The following CD9 variants were observed in gnomAD, a reference collection of about 807,000 sequenced individuals.
CD9 encodes the protein CD9 molecule.
A neutral mutation model predicts 31.4 loss-of-function variants in CD9; 10 were observed. That is an observed-to-expected ratio of 0.32 (90% CI 0.20 to 0.54). The LOEUF is 0.54. Among genes scored for constraint, CD9 ranks in the 20% least tolerant of loss-of-function variants. The pLI is 0.94. For missense variants in CD9, 259 were observed against 300.1 expected (o/e 0.86, Z 1.01); for synonymous variants, 113 against 114.1 (o/e 0.99, Z 0.06).
At chr12:6,208,224 C>CA (rs574714065) in intron 1 of CD9, among the ~76,000 whole-genome samples, 1,245 of 96,292 alleles carry the variant, frequency 0.013, 10 homozygotes, top group African/African-American at 0.032. Flanking sequence ...AACTCCATCT[C>CA]AAAAAAAAAA....
At chr12:6,212,341 A>G (rs546993205) in intron 1 of CD9, among the ~76,000 whole-genome samples, 1 of 152,358 alleles carries the variant, frequency 6.6e-6, no homozygotes, top group East Asian at 1.9e-4. Context: ...CAGAAGGGGC[A>G]GCAGGGCCTT....
At chr12:6,203,033 T>A (rs1365625414) in intron 1 of CD9, among the ~76,000 whole-genome samples, 33 of 152,318 alleles carry the variant, frequency 2.2e-4, no homozygotes. Context: ...TAGGAGATGA[T>A]GTAATGAAAA....
At chr12:6,229,952 A>G (rs1043057381) in intron 2 of CD9, among the ~76,000 whole-genome samples, 1 of 152,194 alleles carries the variant, frequency 6.6e-6, no homozygotes, top group African/African-American at 2.4e-5. Context: ...TCAGACAGCA[A>G]GCTAACATTC....
At chr12:6,220,726 CTT>C (rs1448080623) in intron 1 of CD9, among the ~76,000 whole-genome samples, 1 of 152,180 alleles carries the variant, frequency 6.6e-6, no homozygotes, top group African/African-American at 2.4e-5. Context: ...GTTTTATACA[CTT>C]TGTTTTAGAA....
Position 6,211,895 on chromosome 12 carries a change from A to T in CD9, c.66+11330A>T, listed in dbSNP as rs577749443. On this transcript the variant is annotated intron_variant, in intron 1 of 7. Coordinates refer to ENST00000009180, the MANE Select transcript of CD9 (RefSeq NM_001769.4). ...GGCCTCCCTCCCAATCAGCCCCAACATCCTAACGCCAGTACACTTCACTGA... is the reference window on the plus strand; with the variant it reads ...GGCCTCCCTCCCAATCAGCCCCAACTTCCTAACGCCAGTACACTTCACTGA... Among the ~76,000 whole-genome samples, 16 of 152,288 alleles carry T rather than the reference A, an allele frequency of 1.1e-4. No individual in the cohort carries two copies. The South Asian group carries it at 3.1e-3, about 30-fold the overall frequency.
chr12:6,226,008 C>G (rs1260703567), intron 2 of CD9, among the ~76,000 whole-genome samples: 1 of 152,202 alleles, frequency 6.6e-6, no homozygotes, highest in Non-Finnish European at 1.5e-5. Context: ...CTGGAAAACA[C>G]AGCAACAATA....
intron 1 of CD9, among the ~76,000 whole-genome samples, chr12:6,214,574 CCT>C (rs1480562761): frequency 6.6e-6 from 1 of 152,126 alleles, no homozygotes; most frequent in East Asian, 1.9e-4. Context: ...GTCTCCAACT[CCT>C]GAGCTCAAGC....
chr12:6,225,771 G>C, intron 2 of CD9: 1 of 543,152 alleles, frequency 1.8e-6, no homozygotes, highest in South Asian at 2.2e-5. Flanking sequence ...CATGTTGATG[G>C]TTCTCTGATG....
At chr12:6,204,011 T>TC (rs1448202829) in intron 1 of CD9, among the ~76,000 whole-genome samples, 2 of 151,810 alleles carry the variant, frequency 1.3e-5, no homozygotes, top group Non-Finnish European at 2.9e-5. Context: ...AGAAACCATA[T>TC]CCCCTAGACC....
chr12:6,213,168 C>T (rs1219147152), intron 1 of CD9, among the ~76,000 whole-genome samples: 1 of 152,208 alleles, frequency 6.6e-6, no homozygotes, highest in Admixed American at 6.5e-5. Flanking sequence ...GCTTCTGCTG[C>T]TGTTGCTGTA....
intron 1 of CD9, among the ~76,000 whole-genome samples, chr12:6,217,765 A>G (rs988543545): frequency 6.6e-6 from 1 of 152,170 alleles, no homozygotes; most frequent in African/African-American, 2.4e-5. Context: ...CCTGGACTCC[A>G]TCCACTCACC....
At chr12:6,209,928 G>A (rs923779438) in intron 1 of CD9, among the ~76,000 whole-genome samples, 4 of 152,000 alleles carry the variant, frequency 2.6e-5, no homozygotes, top group South Asian at 2.1e-4. Context: ...CAGGTGATAC[G>A]CCCACCTCGG....
chr12:6,202,862 C>T (rs1056435035), intron 1 of CD9, among the ~76,000 whole-genome samples: 5 of 152,160 alleles, frequency 3.3e-5, no homozygotes, highest in East Asian at 1.9e-4. Context: ...TACCCAGGAT[C>T]GCAGAGACAG....
At chr12:6,236,678 GGCA>G (rs1414805289) in intron 7 of CD9, 2 of 410,260 alleles carry the variant, frequency 4.9e-6, no homozygotes, top group Admixed American at 8.0e-5. Flanking sequence ...TCTGAACATG[GGCA>G]GCCAGAAGGA....
rs11568235 is a variant in CD9 at position 6,222,778 on chromosome 12, T to C, written c.67-2648T>C. ...TCCACTGGGGTACCCTGTCATTATC[T>C]GAGCGTGGAACATTCCCAGAGAGAC... On this transcript the variant is annotated intron_variant, in intron 1 of 7. Coordinates refer to ENST00000009180, the MANE Select transcript of CD9 (RefSeq NM_001769.4). 6.8e-3 allele frequency among the ~76,000 whole-genome samples: 1,037 copies of C among 152,354 alleles called. 10 individuals are homozygous for C. Among genetic ancestry groups the C allele is most frequent in the African/African-American group, 0.023 (957 of 41,586 alleles).
At chr12:6,208,600 T>G (rs1172259707) in intron 1 of CD9, among the ~76,000 whole-genome samples, 1 of 152,186 alleles carries the variant, frequency 6.6e-6, no homozygotes, top group Non-Finnish European at 1.5e-5. Context: ...AGGTGGAGTT[T>G]CACTCTTGTT....
intron 3 of CD9, 132 bp from the exon 4 acceptor site, chr12:6,233,280 T>C (rs1472814525): frequency 1.4e-6 from 1 of 702,144 alleles, no homozygotes; most frequent in East Asian, 2.6e-5. Context: ...CTGCCCCTGC[T>C]AGGCTATTCA....
chr12:6,215,397 C>T (rs1199466390), intron 1 of CD9, among the ~76,000 whole-genome samples: 1 of 152,142 alleles, frequency 6.6e-6, no homozygotes, highest in Non-Finnish European at 1.5e-5. Flanking sequence ...TGAGAGTCAC[C>T]TGGGGAGGTG....
intron 1 of CD9, among the ~76,000 whole-genome samples, chr12:6,216,470 C>G (rs897605887): frequency 1.3e-5 from 2 of 152,198 alleles, no homozygotes; most frequent in Non-Finnish European, 2.9e-5. Context: ...AAGGTTTCCT[C>G]TCCTGCCCAA....
Sources: allele counts gnomAD v4.1 joint callset (sites outside exome capture counted in the v4.1 genomes callset), GRCh38; gene constraint gnomAD v4.1.1; transcripts MANE v1.5; gene names NCBI Gene and HGNC (gene_info 2026-07-23, HGNC 2026-07-21).